Variants in C5 observed in about 807,000 individuals in gnomAD.
C5 encodes C3 and PZP-like alpha-2-macroglobulin domain-containing protein 4.
In C5, 140 loss-of-function variants were observed where a neutral mutation model predicts 218.8. The ratio of observed to expected loss-of-function variants is 0.64; its 90% confidence interval spans 0.56 to 0.74. The LOEUF (loss-of-function observed/expected upper bound fraction) is 0.74. Among genes scored for constraint, C5 ranks in the 30% least tolerant of loss-of-function variants. The pLI, the probability that C5 is intolerant of heterozygous loss-of-function variation, is 0.00. For synonymous variants in C5, 614 were observed against 682.3 expected (o/e 0.90, Z 1.56); for missense variants, 1,700 against 1,969.6 (o/e 0.86, Z 2.59).
At position 121,015,197 on chromosome 9, in the gene C5, A is replaced by G. The variant is rs2047296222; in HGVS notation, c.2059+2T>C. The G allele has an allele frequency of 1.9e-6, 3 of 1,584,962 alleles. No individual in the cohort carries two copies. On this transcript the variant is annotated splice_donor_variant, in intron 16 of 40. Transcript: ENST00000223642. LOFTEE classifies it high-confidence loss of function. The stretch of plus-strand genomic sequence containing the variant: ...TTTACAATCACATGAATCTTACAGT[A>G]CCTATTTCTTCTATCTTCTTTTGCA...
chr9:120,997,732 C>A lies in C5; in HGVS notation c.2605G>T (p.Glu869Ter). The change falls in exon 21 of 41, where the codon GAA (glutamate) becomes TAA (stop). Residue 869 changes from glutamate to a stop codon, truncating the protein, a stop_gained. Transcript: ENST00000223642. LOFTEE classifies it high-confidence loss of function. ...CCCTGATGATCAATGACTGGGCTTTCCGAAGTGCAGATTCCCTCCACAGCA... is the reference window on the plus strand; with the variant it reads ...CCCTGATGATCAATGACTGGGCTTTACGAAGTGCAGATTCCCTCCACAGCA... ...MSAVEGICTS[E>*]SPVIDHQGTK... 4 of 1,614,050 alleles carry A rather than the reference C, an allele frequency of 2.5e-6. No homozygotes were observed. Among genetic ancestry groups the A allele is most frequent in the African/African-American group, 1.3e-5 (1 of 75,004 alleles).
chr9:121,014,212 C>A, intron 16 of C5, 142 bp from the exon 17 acceptor site: 1 of 743,824 alleles, frequency 1.3e-6, no homozygotes, highest in Non-Finnish European at 2.3e-6. Flanking sequence ...ACTGTCCAGA[C>A]TCCCCTTGGA....
chr9:121,035,242 G>A (rs1373106405), intron 4 of C5, among the ~76,000 whole-genome samples: 2 of 152,074 alleles, frequency 1.3e-5, no homozygotes, highest in Non-Finnish European at 2.9e-5. Context: ...TAAACTAAAT[G>A]TGAATTTTGT....
intron 24 of C5, 151 bp from the exon 25 acceptor site, chr9:120,989,272 T>G (rs2047057801): frequency 9.6e-6 from 7 of 729,534 alleles, no homozygotes; most frequent in Non-Finnish European, 1.8e-5. Context: ...TCAAAGGAAG[T>G]ATATGAATTG....
chr9:121,032,105 G>C lies in C5; in HGVS notation c.667+8C>G, dbSNP rs375251377. On this transcript the variant is annotated splice_region_variant and intron_variant, in intron 6 of 40. Transcript: ENST00000223642. ...AGCAAAGAAAAACTTTTACTTGTCA[G>C]AAATTACCATATTCTTTAACTTCAA... 1.6e-4 allele frequency: 244 copies of C among 1,543,016 alleles called. No homozygotes were observed. Among genetic ancestry groups the C allele is most frequent in the Non-Finnish European group, 1.9e-4 (214 of 1,115,902 alleles).
the C5 span, among the ~76,000 whole-genome samples, chr9:121,060,760 A>G: frequency 6.6e-6 from 1 of 152,308 alleles, no homozygotes; most frequent in African/African-American, 2.4e-5. Context: ...AAAGTTATAT[A>G]GAAAATATTA....
Position 121,016,309 on chromosome 9 carries a change from G to C in C5, c.1941C>G (p.His647Gln), listed in dbSNP as rs202080772. Residue 647 changes from histidine (H) to glutamine (Q), a missense_variant, in exon 15 of 41, where the codon CAC (histidine) becomes CAG (glutamine). Physicochemically the swap from His to Gln is conservative, Grantham distance 24. Transcript: ENST00000223642. ...TAGTGAGGAAGGTAAGTCCAGCTAG[G>C]TGGAACACATTGGCATTGTTGAGGC... ...GGGLNNANVF[H>Q]LAGLTFLTNA... 4.0e-5 allele frequency: 65 copies of C among 1,614,052 alleles called. No individual in the cohort carries two copies. In the East Asian group the frequency reaches 1.3e-3, roughly 32 times the overall value.
intron 38 of C5, among the ~76,000 whole-genome samples, chr9:120,957,935 A>G (rs1486095028): frequency 1.3e-5 from 2 of 152,224 alleles, no homozygotes; most frequent in Admixed American, 1.3e-4. Context: ...TCATTCAGAT[A>G]TCAATGTTTG....
At position 120,962,266 on chromosome 9, in the gene C5, T is replaced by A. The variant is rs541790404; in HGVS notation, c.4504+405A>T. On this transcript the variant is annotated intron_variant, in intron 36 of 40. Coordinates refer to ENST00000223642, the MANE Select transcript of C5 (RefSeq NM_001735.3). ...AAATAATTGAATGCAATGTGACAGC[T>A]GCTATAATAGAGCTATCTGCAAAGT... Among the ~76,000 whole-genome samples, 3 of 152,350 alleles carry A rather than the reference T, an allele frequency of 2.0e-5. No individual in the cohort carries two copies. In the South Asian group the frequency reaches 6.2e-4, roughly 32 times the overall value.
intron 3 of C5, among the ~76,000 whole-genome samples, chr9:121,042,376 A>G (rs1483766143): frequency 6.6e-6 from 1 of 152,200 alleles, no homozygotes; most frequent in Non-Finnish European, 1.5e-5. Context: ...TTCTAACAGT[A>G]ACTTTCTTAG....
At chr9:121,034,731 C>A (rs1231221114) in intron 5 of C5, 72 bp downstream of exon 5, 1 of 784,876 alleles carries the variant, frequency 1.3e-6, no homozygotes, top group Non-Finnish European at 2.3e-6. Flanking sequence ...TTAGGTGGCC[C>A]CCTTTAACTG....
At chr9:121,013,192 C>T (rs1034100514) in intron 17 of C5, among the ~76,000 whole-genome samples, 10 of 151,696 alleles carry the variant, frequency 6.6e-5, no homozygotes, top group African/African-American at 2.2e-4. Flanking sequence ...TGGTGGCAGG[C>T]GCCTTTAATC....
intron 25 of C5, among the ~76,000 whole-genome samples, chr9:120,984,692 A>G (rs1441249931): frequency 8.3e-6 from 1 of 120,378 alleles, no homozygotes; most frequent in South Asian, 4.1e-4. Flanking sequence ...TATAGTAAGT[A>G]TTCAATAGGT....
chr9:120,956,460 T>G (rs1588162822), intron 39 of C5, among the ~76,000 whole-genome samples: 2 of 152,262 alleles, frequency 1.3e-5, no homozygotes, highest in Admixed American at 1.3e-4. Context: ...CGCTCATGGA[T>G]AGGAAGAATT....
the C5 span, among the ~76,000 whole-genome samples, chr9:121,064,287 A>G: frequency 6.6e-6 from 1 of 151,920 alleles, no homozygotes; most frequent in Non-Finnish European, 1.5e-5. Context: ...GATATTGTCT[A>G]CTCTGTCCAC....
chr9:121,053,920 A>G (rs1017749081), upstream of C5, among the ~76,000 whole-genome samples: 1 of 152,168 alleles, frequency 6.6e-6, no homozygotes, highest in Non-Finnish European at 1.5e-5. Flanking sequence ...ACCACTGGCT[A>G]ACTAAAGTGG....
At chr9:121,040,985 G>C (rs1192936310) in intron 3 of C5, among the ~76,000 whole-genome samples, 1 of 119,164 alleles carries the variant, frequency 8.4e-6, no homozygotes, top group Non-Finnish European at 1.7e-5. Context: ...GTCTTGCTCT[G>C]TTGCCCAGGC....
At chr9:120,978,482 G>A (rs2046968804) in intron 28 of C5, among the ~76,000 whole-genome samples, 1 of 152,098 alleles carries the variant, frequency 6.6e-6, no homozygotes, top group Admixed American at 6.5e-5. Flanking sequence ...TAAATTTTAT[G>A]ATTTTATGAC....
intron 18 of C5, 98 bp downstream of exon 18, chr9:121,008,310 T>C (rs1283808374): frequency 4.6e-6 from 4 of 861,510 alleles, no homozygotes; most frequent in Admixed American, 3.7e-5. Context: ...TCTTAACTCC[T>C]ATGCAAGCTA....
Sources: allele counts gnomAD v4.1 joint callset (sites outside exome capture counted in the v4.1 genomes callset), GRCh38; gene constraint gnomAD v4.1.1; transcripts MANE v1.5; gene names NCBI Gene and HGNC (gene_info 2026-07-23, HGNC 2026-07-21).